Variants in BCAP29 observed in about 807,000 individuals in gnomAD.
The protein encoded by BCAP29 is B-cell receptor-associated protein 29.
In BCAP29, 34 loss-of-function variants were observed where a neutral mutation model predicts 31.8. That is an observed-to-expected ratio of 1.07 (90% confidence interval 0.81 to 1.42). The LOEUF (loss-of-function observed/expected upper bound fraction) is 1.42. Among genes scored for constraint, BCAP29 ranks in the 40% most tolerant of loss-of-function variants. The probability of loss-of-function intolerance (pLI) is 0.00; values close to 1 mark genes in which losing one functional copy is unlikely to be tolerated. For missense variants in BCAP29, 314 were observed against 269.2 expected, an observed-to-expected ratio of 1.17 and a Z score of -1.16; for synonymous variants, 104 against 91.3, an observed-to-expected ratio of 1.14 and a Z score of -0.79.
At chr7:107,609,399 C>T (rs35061190) in intron 6 of BCAP29, among the ~76,000 whole-genome samples, 26,092 of 152,006 alleles carry the variant, frequency 0.17, 2,806 homozygotes, top group Non-Finnish European at 0.24. Context: ...TTCAAGTAGA[C>T]GGGCAACTAC....
At chr7:107,591,657 C>CACACACACACACACACACACACACA in intron 3 of BCAP29, among the ~76,000 whole-genome samples, 42 of 69,766 alleles carry the variant, frequency 6.0e-4, no homozygotes, top group South Asian at 1.5e-3. Flanking sequence ...CACACACACA[C>CACACACACACACACACACACACACA]CCTATTGGTT....
At position 107,615,782 on chromosome 7, in the gene BCAP29, T is replaced by C. The variant is rs571344627; in HGVS notation, c.690+2350T>C. 7.8e-4 allele frequency: 135 copies of C among 173,438 alleles called. 1 individual carries two copies. The highest frequency in any genetic ancestry group is 9.7e-4 in the South Asian group (7 of 7,186). The allele number at this position is 173,438 out of a possible 1,614,324, so 10.7% of individuals were successfully genotyped here. ...TCCAGTTTTTGAAATATTTAATAGATGTCATTTGTTGAGAGTATGCTCTGG... is the reference window on the plus strand; with the variant it reads ...TCCAGTTTTTGAAATATTTAATAGACGTCATTTGTTGAGAGTATGCTCTGG... On this transcript the variant is annotated intron_variant, in intron 7 of 7. Coordinates refer to ENST00000005259, the MANE Select transcript of BCAP29 (RefSeq NM_018844.4).
rs963107217 is a variant in BCAP29 at position 107,584,319 on chromosome 7, C to G, written c.193+337C>G. Among the ~76,000 whole-genome samples the G allele has an allele frequency of 8.5e-5, 13 of 152,160 alleles. No homozygotes were observed. The South Asian group carries it at 2.7e-3, about 32-fold the overall frequency. On this transcript the variant is annotated intron_variant, in intron 3 of 7. Transcript: ENST00000005259. ...TTTGTTACTGTGATGTCCTAGGCAC[C>G]CAGGAGCTTAGCTGTTAGAAAGGCA...
At chr7:107,612,282 A>G (rs1813250840) in intron 6 of BCAP29, among the ~76,000 whole-genome samples, 1 of 151,040 alleles carries the variant, frequency 6.6e-6, no homozygotes, top group Non-Finnish European at 1.5e-5. Flanking sequence ...TTCTGAAAGC[A>G]CTATATGAGA....
At chr7:107,602,393 T>C (rs1038881835) in intron 6 of BCAP29, among the ~76,000 whole-genome samples, 2 of 152,178 alleles carry the variant, frequency 1.3e-5, no homozygotes, top group African/African-American at 4.8e-5. Context: ...TAAGAAAATA[T>C]ATCAATTAAT....
chr7:107,600,008 G>C (rs1236053828), intron 5 of BCAP29, among the ~76,000 whole-genome samples: 2 of 152,208 alleles, frequency 1.3e-5, no homozygotes, highest in Admixed American at 1.3e-4. Context: ...TGAGTAGATA[G>C]CTCTACAATC....
chr7:107,615,357 C>G, intron 7 of BCAP29: 1 of 456,462 alleles, frequency 2.2e-6, no homozygotes, highest in East Asian at 7.0e-5. Flanking sequence ...AATCCCAGCA[C>G]TTTGGAAGGC....
chr7:107,593,966 G>T lies in BCAP29; in HGVS notation c.205G>T (p.Glu69Ter). Residue 69 changes from glutamate (E) to a stop codon, truncating the protein, a stop_gained, in exon 4 of 8, where the codon GAA becomes TAA. Coordinates refer to ENST00000005259, the MANE Select transcript of BCAP29 (RefSeq NM_018844.4). LOFTEE classifies it high-confidence loss of function. ...LIVLFLDAVR[E>*]VRKYSSVHTI... ...TTGTTCTGTAATAGATGCTGTGAGA[G>T]AAGTAAGGAAATATTCCTCAGTTCA... is the stretch of plus-strand genomic sequence containing the variant. 1 of 1,609,688 alleles carries T rather than the reference G, an allele frequency of 6.2e-7. No homozygotes were observed. Among genetic ancestry groups the T allele is most frequent in the Non-Finnish European group, 8.5e-7 (1 of 1,178,760 alleles).
intron 6 of BCAP29, among the ~76,000 whole-genome samples, chr7:107,605,289 G>C (rs566851543): frequency 6.6e-6 from 1 of 152,244 alleles, no homozygotes; most frequent in Admixed American, 6.5e-5. Flanking sequence ...TCTACCCTGA[G>C]GAGAAGCTTT....
chr7:107,622,661 C>T (rs531537489), downstream of BCAP29: 2 of 152,322 alleles, frequency 1.3e-5, no homozygotes, highest in African/African-American at 4.8e-5. Context: ...TAGTTCTCAA[C>T]AGGAAGTGAA....
chr7:107,591,658 C>CACACACACACACACACACACACA, intron 3 of BCAP29, among the ~76,000 whole-genome samples: 1 of 15,500 alleles, frequency 6.5e-5, no homozygotes, highest in African/African-American at 7.0e-4. Context: ...ACACACACAC[C>CACACACACACACACACACACACA]CTATTGGTTC....
rs1814633968 is a variant in BCAP29, at chr7:107,618,799, T to G, written c.*436T>G. On this transcript the variant is annotated 3_prime_UTR_variant, in exon 8 of 8. Coordinates refer to ENST00000005259, the MANE Select transcript of BCAP29 (RefSeq NM_018844.4). ...AAATAGTGTTCAATATCAGCAAATTTGTACACAGGGAATGTAAATAAGGAT... is the reference window on the plus strand; with the variant it reads ...AAATAGTGTTCAATATCAGCAAATTGGTACACAGGGAATGTAAATAAGGAT... 1 of 427,240 alleles carries G rather than the reference T, an allele frequency of 2.3e-6. No individual in the cohort carries two copies. Among genetic ancestry groups the G allele is most frequent in the Non-Finnish European group, 4.2e-6 (1 of 237,372 alleles). The allele number at this position is 427,240 out of a possible 1,614,324, so 26.5% of individuals were successfully genotyped here.
At chr7:107,592,562 C>T (rs1809067775) in intron 3 of BCAP29, among the ~76,000 whole-genome samples, 1 of 152,184 alleles carries the variant, frequency 6.6e-6, no homozygotes, top group Non-Finnish European at 1.5e-5. Context: ...TACCATATGG[C>T]CCAGCAGTTC....
At chr7:107,617,456 G>T (rs1585259319) in intron 7 of BCAP29, among the ~76,000 whole-genome samples, 3 of 151,688 alleles carry the variant, frequency 2.0e-5, no homozygotes, top group Admixed American at 2.0e-4. Context: ...TTCCTTATTT[G>T]CCCTGCCTCT....
chr7:107,583,923 C>T lies in BCAP29; in HGVS notation c.134C>T (p.Ala45Val), dbSNP rs1467364506. 6.9e-6 allele frequency: 11 copies of T among 1,585,998 alleles called. No homozygotes were observed. The highest frequency in any genetic ancestry group is 1.2e-5 in the South Asian group (1 of 85,400). Reference sequence around the variant, plus strand: ...TCATTTAATGTCTGGGGTAAAATTGCAACTTTTTGGAACAAGGCTTTCCTT... The same window carrying T: ...TCATTTAATGTCTGGGGTAAAATTGTAACTTTTTGGAACAAGGCTTTCCTT... The part of the protein sequence containing the change: ...IFSFNVWGKI[A>V]TFWNKAFLTI... The change falls in exon 3 of 8, where the codon GCA becomes GTA. Residue 45 changes from alanine (A) to valine (V), a missense_variant. Transcript: ENST00000005259.
intron 6 of BCAP29, 100 bp from the exon 7 acceptor site, chr7:107,613,232 G>A: frequency 2.7e-6 from 2 of 737,646 alleles, no homozygotes; most frequent in Non-Finnish European, 4.4e-6. Context: ...CAGTGGATTT[G>A]AGTAAAGACT....
At chr7:107,606,200 A>G (rs1812054299) in intron 6 of BCAP29, among the ~76,000 whole-genome samples, 1 of 152,206 alleles carries the variant, frequency 6.6e-6, no homozygotes, top group Non-Finnish European at 1.5e-5. Flanking sequence ...ATTACATTGC[A>G]AAATCTGAGG....
In BCAP29 at chr7:107,612,437, A is replaced by ATTTATTTATTTATT. The variant is rs1554480152; in HGVS notation, c.590-894_590-893insTTATTTATTTATTT. Among the ~76,000 whole-genome samples, 61 of 113,244 alleles carry ATTTATTTATTTATT rather than the reference A, an allele frequency of 5.4e-4. 3 individuals are homozygous for ATTTATTTATTTATT. The highest frequency in any genetic ancestry group is 2.2e-3 in the African/African-American group (60 of 26,784). 74.3% of individuals were successfully genotyped at this position (113,244 alleles called of 152,430 possible). ...TATATATATATATATATATATATAT[A>ATTTATTTATTTATT]TATTTATTTTACTTCTATCTAAGGC... On this transcript the variant is annotated intron_variant, in intron 6 of 7. Coordinates refer to ENST00000005259, the MANE Select transcript of BCAP29 (RefSeq NM_018844.4).
chr7:107,612,437 A>ATATATATATATATATTTATT (rs771741951), intron 6 of BCAP29, among the ~76,000 whole-genome samples: 1 of 113,244 alleles, frequency 8.8e-6, no homozygotes, highest in African/African-American at 3.7e-5. Flanking sequence ...ATATATATAT[A>ATATATATATATATATTTATT]TATTTATTTT....
Sources: gnomAD v4.1 joint callset for allele counts (sites outside exome capture counted in the v4.1 genomes callset) on GRCh38, gnomAD v4.1.1 for gene constraint, MANE v1.5 for transcripts, NCBI Gene and HGNC (gene_info 2026-07-23, HGNC 2026-07-21) for gene names.